The following F8 variants were observed in gnomAD, a reference collection of about 807,000 sequenced individuals.
The protein encoded by F8 is antihemophilic factor.
In F8, 12 loss-of-function variants were observed where a neutral mutation model predicts 140.6. The observed-to-expected ratio is 0.09, with a 90% confidence interval of 0.05 to 0.14. F8 has a LOEUF of 0.14. Ranked by LOEUF, F8 falls within the 10% of genes least tolerant of loss-of-function variation. The probability of loss-of-function intolerance (pLI) is 1.00; values close to 1 mark genes in which losing one functional copy is unlikely to be tolerated. For synonymous variants in F8, 585 were observed against 614.6 expected (o/e 0.95, Z 0.71); for missense variants, 1,354 against 1,720.7 (o/e 0.79, Z 3.77).
At chrX:154,947,211 C>CGA (rs1303079931) in intron 13 of F8, among the ~76,000 whole-genome samples, 1 of 77,840 alleles carries the variant, frequency 1.3e-5, no homozygotes, top group African/African-American at 5.4e-5. Context: ...GGCTACAGAG[C>CGA]GAGACTCCGT....
At position 154,929,543 on chromosome X, in the gene F8, G is replaced by A. The variant is rs1557278470; in HGVS notation, c.4247C>T (p.Pro1416Leu). Residue 1416 changes from proline to leucine, a missense_variant, in exon 14 of 26, where the codon CCA (proline) becomes CTA (leucine). Transcript: ENST00000360256. ...PLPIAKVSSFPSIRPIYLTRV... is the reference protein window; with the variant it reads ...PLPIAKVSSFLSIRPIYLTRV... The stretch of plus-strand genomic sequence containing the variant: ...GGTCAGATATATAGGTCTAATAGAT[G>A]GAAATGATGATACCTTTGCAATGGG... 3 of 1,210,483 alleles carry A rather than the reference G, an allele frequency of 2.5e-6. No individual in the cohort carries two copies. Among genetic ancestry groups the A allele is most frequent in the Non-Finnish European group, 3.4e-6 (3 of 894,498 alleles).
intron 1 of F8, among the ~76,000 whole-genome samples, chrX:155,020,845 G>A (rs1317192299): frequency 9.8e-5 from 11 of 112,229 alleles, no homozygotes; most frequent in Non-Finnish European, 1.3e-4. Context: ...AAAACTTATC[G>A]CTATGTGAAT....
intron 22 of F8, among the ~76,000 whole-genome samples, chrX:154,874,601 C>T (rs184138288): frequency 8.9e-5 from 10 of 112,266 alleles, no homozygotes; most frequent in African/African-American, 3.2e-4. Context: ...TCGGCCCTAC[C>T]TCCCAACACT....
In F8 at chrX:154,876,189, G is replaced by A. The variant is rs375284375; in HGVS notation, c.6430-12962C>T. Among the ~76,000 whole-genome samples, 54 of 102,367 alleles carry A rather than the reference G, an allele frequency of 5.3e-4. 1 individual carries two copies. The East Asian group carries it at 5.9e-3, about 11-fold the overall frequency. 88.9% of individuals were successfully genotyped at this position (102,367 alleles called of 115,157 possible). A position where few individuals can be genotyped will look rare whatever the true frequency, so the allele number is the denominator to read the frequency against. ...GGCTGGAGTGCCGTGGCGCGATCTCGGCTCACTGCAAGCTCCGCCTCCCGG... is the reference window on the plus strand; with the variant it reads ...GGCTGGAGTGCCGTGGCGCGATCTCAGCTCACTGCAAGCTCCGCCTCCCGG... On this transcript the variant is annotated intron_variant, in intron 22 of 25. Coordinates refer to ENST00000360256, the MANE Select transcript of F8 (RefSeq NM_000132.4).
chrX:154,865,561 C>T (rs936504126), intron 22 of F8, among the ~76,000 whole-genome samples: 7 of 110,060 alleles, frequency 6.4e-5, no homozygotes, highest in East Asian at 2.8e-4. Context: ...AATATGACGT[C>T]GATTACATAA....
At chrX:154,876,281 A>G (rs28665374) in intron 22 of F8, among the ~76,000 whole-genome samples, 1,288 of 108,888 alleles carry the variant, frequency 0.012, 21 homozygotes, top group African/African-American at 0.031. Context: ...CACCACACCC[A>G]GCTAATGTTT....
chrX:154,962,869 A>AAGAGAGAGAGAGAGAGACAGAGACGAGAG (rs1569559846), intron 9 of F8, among the ~76,000 whole-genome samples: 1 of 100,814 alleles, frequency 9.9e-6, no homozygotes, highest in Non-Finnish European at 2.0e-5. Flanking sequence ...ACCCTATCTC[A>AAGAGAGAGAGAGAGAGACAGAGACGAGAG]AGAGAGAGAG....
chrX:155,015,311 A>G (rs1288246995), intron 1 of F8, among the ~76,000 whole-genome samples: 3 of 111,601 alleles, frequency 2.7e-5, no homozygotes, highest in East Asian at 2.9e-4. Flanking sequence ...AGGACAGGGG[A>G]AAAAAAAGCA....
At chrX:154,890,209 G>A (rs1337227389) in intron 22 of F8, among the ~76,000 whole-genome samples, 1 of 101,539 alleles carries the variant, frequency 9.8e-6, no homozygotes, top group African/African-American at 3.7e-5. Context: ...CTTTCAACGT[G>A]TAAAAACTAT....
intron 20 of F8, among the ~76,000 whole-genome samples, chrX:154,900,733 C>T (rs1646947888): frequency 1.8e-5 from 2 of 111,437 alleles, no homozygotes; most frequent in African/African-American, 3.3e-5. Context: ...CAAACTTTTT[C>T]TGTAAAGGGC....
chrX:154,865,350 A>T (rs1402712674), intron 22 of F8, among the ~76,000 whole-genome samples: 3 of 106,734 alleles, frequency 2.8e-5, no homozygotes, highest in African/African-American at 1.0e-4. Context: ...AAGTTGAAAT[A>T]AAAAAAAAAC....
chrX:154,972,279 T>C (rs2073460263), intron 6 of F8, among the ~76,000 whole-genome samples: 1 of 111,994 alleles, frequency 8.9e-6, no homozygotes, highest in South Asian at 3.7e-4. Context: ...GTTAGTGATG[T>C]TGAGCATTTT....
intron 10 of F8, among the ~76,000 whole-genome samples, chrX:154,960,199 CTG>C (rs1557281502): frequency 1.8e-5 from 2 of 111,445 alleles, no homozygotes; most frequent in African/African-American, 6.5e-5. Context: ...ACTGATAAAA[CTG>C]AAACAACTTG....
chrX:155,013,190 T>C (rs2073717578), intron 1 of F8, among the ~76,000 whole-genome samples: 1 of 106,871 alleles, frequency 9.4e-6, no homozygotes, highest in Non-Finnish European at 1.9e-5. Flanking sequence ...CTCTTTGATA[T>C]GGTTTGGCTG....
At position 154,902,072 on chromosome X, in the gene F8, G is replaced by A; in HGVS notation, c.6094C>T (p.Leu2032Phe). The A allele has an allele frequency of 8.3e-7, 1 of 1,207,300 alleles. No individual in the cohort carries two copies. Among genetic ancestry groups the A allele is most frequent in the South Asian group, 1.8e-5 (1 of 56,894 alleles). The change falls in exon 19 of 26, where the codon CTT (leucine) becomes TTT (phenylalanine). Residue 2032 changes from leucine to phenylalanine, a missense_variant. By Grantham distance (22) the Leu-to-Phe change is conservative. Around this residue, in one of 4 missense-constraint regions of F8, gnomAD observed 316 missense variants for 485.4 expected, o/e 0.65. Transcript: ENST00000360256. The part of the protein sequence containing the change: ...GEHLHAGMST[L>F]FLVYSNKCQT... The stretch of plus-strand genomic sequence containing the variant: ...TCACTATTGCTGTACACCAGAAAAA[G>A]TGTGCTCATCCCAGCATGTAGATGC...
In F8 at chrX:155,015,409, T is replaced by A. The variant is rs1262662115; in HGVS notation, c.143+7001A>T. On this transcript the variant is annotated intron_variant, in intron 1 of 25. Coordinates refer to ENST00000360256, the MANE Select transcript of F8 (RefSeq NM_000132.4). ...AAAGACACCATTTGGAAAATGAAAATGCAAGCCATAGATTGGAAAAAAACA... is the reference window on the plus strand; with the variant it reads ...AAAGACACCATTTGGAAAATGAAAAAGCAAGCCATAGATTGGAAAAAAACA... 9.8e-5 allele frequency among the ~76,000 whole-genome samples: 11 copies of A among 111,681 alleles called. No individual in the cohort carries two copies. In the Admixed American group the frequency reaches 1.0e-3, roughly 11 times the overall value.
chrX:155,021,687 A>G (rs782612451), intron 1 of F8, among the ~76,000 whole-genome samples: 2 of 112,150 alleles, frequency 1.8e-5, no homozygotes, highest in African/African-American at 6.5e-5. Context: ...AAGGAATGAA[A>G]AAGAAAATAT....
chrX:154,992,056 G>A (rs1356369513), intron 4 of F8, among the ~76,000 whole-genome samples: 2 of 112,046 alleles, frequency 1.8e-5, no homozygotes, highest in Admixed American at 1.9e-4. Flanking sequence ...TAAAACCCAT[G>A]TGAGAGAGAT....
chrX:154,978,511 T>C (rs1256939910), intron 6 of F8, among the ~76,000 whole-genome samples: 1 of 112,183 alleles, frequency 8.9e-6, no homozygotes, highest in East Asian at 2.8e-4. Context: ...AATGTACAAT[T>C]AAGTTATTAT....
Sources: allele counts gnomAD v4.1 joint callset (sites outside exome capture counted in the v4.1 genomes callset), GRCh38; gene constraint gnomAD v4.1.1; regional missense constraint gnomAD v4.1.1; transcripts MANE v1.5; gene names NCBI Gene and HGNC (gene_info 2026-07-23, HGNC 2026-07-21).